DMD: variants seen among roughly 807,000 people sequenced by gnomAD.
DMD encodes dystrophin, also known as mutant dystrophin.
DMD carries 63 observed loss-of-function variants against 330.1 expected under a neutral mutation model. That is an observed-to-expected ratio of 0.19 (90% CI 0.16 to 0.24). The LOEUF (loss-of-function observed/expected upper bound fraction) is 0.24, where lower values mean the gene tolerates loss of function less well. Ranked by LOEUF, DMD falls within the 10% of genes least tolerant of loss-of-function variation. The pLI, the probability that DMD is intolerant of heterozygous loss-of-function variation, is 1.00. For missense variants in DMD, 3,344 were observed against 2,684.1 expected, an observed-to-expected ratio of 1.25 and a Z score of -5.43; for synonymous variants, 1,223 against 959.8, an observed-to-expected ratio of 1.27 and a Z score of -5.07.
rs759517642 is a variant in DMD at position 31,121,857 on chromosome X, C to T, written c.*62G>A. The T allele has an allele frequency of 1.7e-6, 2 of 1,204,598 alleles. No homozygotes were observed. Among genetic ancestry groups the T allele is most frequent in the South Asian group, 3.5e-5 (2 of 56,875 alleles). On this transcript the variant is annotated 3_prime_UTR_variant, in exon 79 of 79. Coordinates refer to ENST00000357033, the MANE Select transcript of DMD (RefSeq NM_004006.3). ...TTTATTCTGCTCCTTCTTCATCTGTCATGACTGATACTAAGGACTCCATCG... is the reference window on the plus strand; with the variant it reads ...TTTATTCTGCTCCTTCTTCATCTGTTATGACTGATACTAAGGACTCCATCG...
chrX:33,246,480 A>T (rs2052664484), intron 1 of DMD, among the ~76,000 whole-genome samples: 1 of 111,522 alleles, frequency 9.0e-6, no homozygotes, highest in African/African-American at 3.3e-5. Flanking sequence ...CTTTGATATT[A>T]TCTTTAGTGT....
chrX:32,286,454 A>T (rs2097441798), intron 43 of DMD, among the ~76,000 whole-genome samples: 1 of 111,812 alleles, frequency 8.9e-6, no homozygotes, highest in Non-Finnish European at 1.9e-5. Flanking sequence ...GCATCTGCAA[A>T]TTGATTTAAT....
At chrX:31,924,660 G>T (rs780207659) in intron 47 of DMD, among the ~76,000 whole-genome samples, 69 of 111,708 alleles carry the variant, frequency 6.2e-4, no homozygotes, top group African/African-American at 2.2e-3. Flanking sequence ...TTAAAGGTTT[G>T]TTATATATGT....
intron 43 of DMD, 116 bp downstream of exon 43, chrX:32,287,413 G>C (rs1474007962): frequency 5.9e-6 from 4 of 676,821 alleles, no homozygotes; most frequent in Non-Finnish European, 9.2e-6. Flanking sequence ...TTTTCAATGA[G>C]AGTGATACTT....
At chrX:31,163,873 A>G (rs1465694058) in intron 74 of DMD, among the ~76,000 whole-genome samples, 1 of 111,846 alleles carries the variant, frequency 8.9e-6, no homozygotes, top group East Asian at 2.8e-4. Context: ...TGAACACTGC[A>G]CGACACTGTG....
intron 17 of DMD, among the ~76,000 whole-genome samples, chrX:32,534,191 A>G (rs1454699026): frequency 8.9e-6 from 1 of 112,067 alleles, no homozygotes; most frequent in African/African-American, 3.2e-5. Flanking sequence ...AAATTAAGGT[A>G]CCAGCAGGAT....
intron 1 of DMD, among the ~76,000 whole-genome samples, chrX:33,248,133 C>T: frequency 9.0e-6 from 1 of 111,211 alleles, no homozygotes; most frequent in Middle Eastern, 4.6e-3. Flanking sequence ...GCTCCGCCTC[C>T]CGGGTTCACA....
intron 7 of DMD, among the ~76,000 whole-genome samples, chrX:32,777,054 ATT>A (rs1292335098): frequency 9.9e-6 from 1 of 100,970 alleles, no homozygotes. Flanking sequence ...AGCAGCATAA[ATT>A]TGTCTTTTTT....
chrX:31,679,254 C>G (rs1440608285), intron 53 of DMD, 121 bp downstream of exon 53: 2 of 661,157 alleles, frequency 3.0e-6, no homozygotes, highest in Non-Finnish European at 4.6e-6. Flanking sequence ...CTGTTCATTT[C>G]AGCTTTAACG....
intron 55 of DMD, among the ~76,000 whole-genome samples, chrX:31,529,269 T>C (rs1159552333): frequency 1.8e-5 from 2 of 109,333 alleles, no homozygotes; most frequent in Non-Finnish European, 1.9e-5. Context: ...GCTATAATCC[T>C]GGCTACTCAG....
chrX:32,917,567 G>A (rs1047586381), intron 2 of DMD, among the ~76,000 whole-genome samples: 2 of 111,481 alleles, frequency 1.8e-5, no homozygotes, highest in African/African-American at 6.5e-5. Flanking sequence ...GGAGGAAACT[G>A]AATTTCAAAA....
intron 9 of DMD, among the ~76,000 whole-genome samples, chrX:32,693,445 C>T (rs1190096696): frequency 9.0e-6 from 1 of 111,653 alleles, no homozygotes; most frequent in East Asian, 2.8e-4. Flanking sequence ...ATCAACTATT[C>T]AGGGTAGTGT....
intron 47 of DMD, among the ~76,000 whole-genome samples, chrX:31,905,355 AC>A (rs1603568733): frequency 9.0e-6 from 1 of 111,691 alleles, no homozygotes; most frequent in Non-Finnish European, 1.9e-5. Flanking sequence ...CCTCAAAGTC[AC>A]AAAACTTTTT....
chrX:31,988,258 G>A (rs2095523179), intron 44 of DMD, among the ~76,000 whole-genome samples: 2 of 109,840 alleles, frequency 1.8e-5, no homozygotes, highest in African/African-American at 6.6e-5. Context: ...GGATCATGAG[G>A]TCAGGAGATC....
At chrX:32,910,114 A>G (rs765266635) in intron 2 of DMD, among the ~76,000 whole-genome samples, 1 of 111,843 alleles carries the variant, frequency 8.9e-6, no homozygotes, top group Non-Finnish European at 1.9e-5. Flanking sequence ...AATTTAATAG[A>G]ATGAGAATTG....
In DMD at chrX:31,121,762, TCTTA is replaced by T. The variant is rs1053082197; in HGVS notation, c.*153_*156del. 3.2e-5 allele frequency: 25 copies of T among 786,591 alleles called. No individual in the cohort carries two copies. In the African/African-American group the frequency reaches 4.1e-4, roughly 13 times the overall value. The allele number at this position is 786,591 out of a possible 1,213,427, so 64.8% of individuals were successfully genotyped here. ...AAATATAGATTTATTTCTTGTAAAC[TCTTA>T]CTGTCTAATCCTCTTTGTTGTATGA... On this transcript the variant is annotated 3_prime_UTR_variant, in exon 79 of 79. Coordinates refer to ENST00000357033, the MANE Select transcript of DMD (RefSeq NM_004006.3).
At chrX:32,328,492 C>T (rs5972531) in intron 41 of DMD, among the ~76,000 whole-genome samples, 5,429 of 111,099 alleles carry the variant, frequency 0.049, 319 homozygotes, top group African/African-American at 0.17. Flanking sequence ...CAGTGGATAA[C>T]TGTTATGGGG....
intron 55 of DMD, among the ~76,000 whole-genome samples, chrX:31,559,640 C>CAAAAAAAAAAAAAAAA (rs1167550498): frequency 9.2e-5 from 2 of 21,638 alleles, no homozygotes; most frequent in Non-Finnish European, 2.1e-4. Flanking sequence ...AACTCCGTCT[C>CAAAAAAAAAAAAAAAA]AAAAAAAAAA....
intron 2 of DMD, among the ~76,000 whole-genome samples, chrX:32,907,116 T>C (rs1045346891): frequency 8.9e-6 from 1 of 112,108 alleles, no homozygotes; most frequent in African/African-American, 3.2e-5. Context: ...TTGAGTATTA[T>C]TGGCCTTATA....
Sources: allele counts gnomAD v4.1 joint callset (sites outside exome capture counted in the v4.1 genomes callset), GRCh38; gene constraint gnomAD v4.1.1; transcripts MANE v1.5; gene names NCBI Gene and HGNC (gene_info 2026-07-23, HGNC 2026-07-21).